Variants in OTOR observed in about 807,000 individuals in gnomAD.
OTOR encodes the protein fibrocyte-derived protein.
OTOR carries 20 observed loss-of-function variants against 15.9 expected under a neutral mutation model. The observed-to-expected ratio is 1.26, with a 90% CI of 0.89 to 1.83. The LOEUF is 1.83. OTOR is among the 40% of genes most tolerant of loss of function. The pLI is 0.00. For missense variants in OTOR, 184 were observed against 159.0 expected (o/e 1.16, Z -0.85); for synonymous variants, 53 against 54.2 (o/e 0.98, Z 0.09).
intron 3 of OTOR, 30 bp from the exon 4 acceptor site, chr20:16,751,065 C>T (rs1303784893): frequency 3.3e-6 from 5 of 1,511,606 alleles, no homozygotes; most frequent in Non-Finnish European, 4.5e-6. Context: ...CTATTTCGTT[C>T]AATCTTTTTT....
At position 16,751,326 on chromosome 20, in the gene OTOR, A is replaced by G. The variant is rs372564560; in HGVS notation, c.*208A>G. On this transcript the variant is annotated 3_prime_UTR_variant, in exon 4 of 4. Coordinates refer to ENST00000246081, the MANE Select transcript of OTOR (RefSeq NM_020157.4). ...TTCCTGCTGGCCTGGTCTGCCCACGAGCTAGAGCGGGGAAATGTTGAGCTC... is the reference window on the plus strand; with the variant it reads ...TTCCTGCTGGCCTGGTCTGCCCACGGGCTAGAGCGGGGAAATGTTGAGCTC... The G allele has an allele frequency of 1.9e-6, 1 of 530,208 alleles. No individual in the cohort carries two copies. Among genetic ancestry groups the G allele is most frequent in the East Asian group, 3.2e-5 (1 of 31,086 alleles). The allele number at this position is 530,208 out of a possible 1,614,324, so 32.8% of individuals were successfully genotyped here.
intron 2 of OTOR, 85 bp from the exon 3 acceptor site, chr20:16,749,818 C>G: frequency 1.1e-6 from 1 of 894,264 alleles, no homozygotes. Flanking sequence ...ATGATTCTCA[C>G]TATCAGCAAA....
intron 2 of OTOR, 106 bp from the exon 3 acceptor site, chr20:16,749,797 T>G: frequency 5.5e-6 from 4 of 733,670 alleles, no homozygotes; most frequent in East Asian, 2.7e-5. Context: ...GAAAGGGAGG[T>G]ATTGGCAGCT....
chr20:16,750,944 G>A, intron 3 of OTOR, 151 bp from the exon 4 acceptor site: 1 of 648,340 alleles, frequency 1.5e-6, no homozygotes, highest in South Asian at 1.9e-5. Flanking sequence ...GACTTAAAGT[G>A]GTAAATATTT....
In OTOR at chr20:16,749,884, T is replaced by G; in HGVS notation, c.256-19T>G. The G allele has an allele frequency of 6.5e-7, 1 of 1,536,938 alleles. No homozygotes were observed. Among genetic ancestry groups the G allele is most frequent in the Non-Finnish European group, 9.0e-7 (1 of 1,110,148 alleles). ...TCAGCATCAGCTTTTTCCTGATTGC[T>G]ATTCTTCTGGGCACTTAGGTTTATG... On this transcript the variant is annotated intron_variant, in intron 2 of 3. Transcript: ENST00000246081.
chr20:16,748,833 TA>T, intron 1 of OTOR, 33 bp from the exon 2 acceptor site: 1 of 1,522,814 alleles, frequency 6.6e-7, no homozygotes, highest in Non-Finnish European at 8.8e-7. Flanking sequence ...TTCAGGAGCC[TA>T]AAATGTAATC....
At position 16,751,195 on chromosome 20, in the gene OTOR, T is replaced by C; in HGVS notation, c.*77T>C. 3 of 1,022,394 alleles carry C rather than the reference T, an allele frequency of 2.9e-6. No homozygotes were observed. Among genetic ancestry groups the C allele is most frequent in the South Asian group, 3.0e-5 (2 of 65,592 alleles). 63.3% of individuals were successfully genotyped at this position (1,022,394 alleles called of 1,614,324 possible). A position where few individuals can be genotyped will look rare whatever the true frequency, so the allele number is the denominator to read the frequency against. Reference sequence around the variant, plus strand: ...AGCAAAAGTGGCCAAAAAATGCATGTCTGTAATTTTGGACTGACGTTTTAA... The same window carrying C: ...AGCAAAAGTGGCCAAAAAATGCATGCCTGTAATTTTGGACTGACGTTTTAA... On this transcript the variant is annotated 3_prime_UTR_variant, in exon 4 of 4. Coordinates refer to ENST00000246081, the MANE Select transcript of OTOR (RefSeq NM_020157.4).
Position 16,751,085 on chromosome 20 carries a change from T to C in OTOR, c.364-10T>C, listed in dbSNP as rs773429331. 21 of 1,538,208 alleles carry C rather than the reference T, an allele frequency of 1.4e-5. No homozygotes were observed. In the East Asian group the frequency reaches 2.3e-4, roughly 17 times the overall value. ...TCGTTCAATCTTTTTTTGTTTTTGT[T>C]TTTTTCCAGGATATTGACTTCTTCT... On this transcript the variant is annotated splice_polypyrimidine_tract_variant and intron_variant, in intron 3 of 3. Coordinates refer to ENST00000246081, the MANE Select transcript of OTOR (RefSeq NM_020157.4).
At position 16,750,403 on chromosome 20, in the gene OTOR, TTGTG is replaced by T. The variant is rs3075058; in HGVS notation, c.363+416_363+419del. Among the ~76,000 whole-genome samples the T allele has an allele frequency of 1.0e-4, 15 of 148,426 alleles. No homozygotes were observed. In the South Asian group the frequency reaches 1.5e-3, roughly 15 times the overall value. ...CATACATCACCTCACATAGTTACCT[TTGTG>T]TGTGTGTGTGTGTGTGTGTGTGAAA... On this transcript the variant is annotated intron_variant, in intron 3 of 3. Coordinates refer to ENST00000246081, the MANE Select transcript of OTOR (RefSeq NM_020157.4).
At chr20:16,750,081 T>C (rs371307270) in intron 3 of OTOR, 71 bp downstream of exon 3, 1 of 971,432 alleles carries the variant, frequency 1.0e-6, no homozygotes, top group African/African-American at 1.6e-5. Context: ...TAAAAATGCA[T>C]CATGCAACTT....
chr20:16,749,508 A>G (rs573363350), intron 2 of OTOR: 1 of 180,306 alleles, frequency 5.5e-6, no homozygotes, highest in South Asian at 1.7e-4. Context: ...TTAAATTTAA[A>G]GCCATTTAAG....
At chr20:16,750,036 A>G (rs2122521361) in intron 3 of OTOR, 26 bp downstream of exon 3, 1 of 1,454,470 alleles carries the variant, frequency 6.9e-7, no homozygotes, top group Middle Eastern at 1.7e-4. Flanking sequence ...GTGACTAGAC[A>G]AGGACTCAGA....
chr20:16,748,900 A>C lies in OTOR; in HGVS notation c.149A>C (p.Tyr50Ser). The C allele has an allele frequency of 6.2e-7, 1 of 1,603,824 alleles. No individual in the cohort carries two copies. Among genetic ancestry groups the C allele is most frequent in the Non-Finnish European group, 8.5e-7 (1 of 1,176,592 alleles). ...TISLASAQEDYNAPDCRFINV... is the reference protein window; with the variant it reads ...TISLASAQEDSNAPDCRFINV... ...TCTCTGGCTAGTGCTCAAGAAGATT[A>C]TAATGCCCCGGACTGTAGATTCATT... is the stretch of plus-strand genomic sequence containing the variant. Residue 50 changes from tyrosine (Y) to serine (S), a missense_variant, in exon 2 of 4, where the codon TAT becomes TCT. Transcript: ENST00000246081.
In OTOR at chr20:16,749,913, A is replaced by T. The variant is rs1568759214; in HGVS notation, c.266A>T (p.Asp89Val). 6.2e-7 allele frequency: 1 copy of T among 1,611,934 alleles called. No individual in the cohort carries two copies. The highest frequency in any genetic ancestry group is 1.3e-5 in the African/African-American group (1 of 74,988). Reference sequence around the variant, plus strand: ...CTTCTGGGCACTTAGGTTTATGGTGATGGCCAGGACGAGATGGGAGTCGTG... The same window carrying T: ...CTTCTGGGCACTTAGGTTTATGGTGTTGGCCAGGACGAGATGGGAGTCGTG... ...GEFWAGSVYG[D>V]GQDEMGVVGY... Residue 89 changes from aspartate to valine, a missense_variant, in exon 3 of 4, where the codon GAT (aspartate) becomes GTT (valine). Coordinates refer to ENST00000246081, the MANE Select transcript of OTOR (RefSeq NM_020157.4).
At chr20:16,748,653 T>C in intron 1 of OTOR, 137 bp downstream of exon 1, 3 of 706,128 alleles carry the variant, frequency 4.2e-6, no homozygotes, top group Non-Finnish European at 7.0e-6. Flanking sequence ...TCTTCTGGTC[T>C]GCATGTTTGG....
At position 16,748,872 on chromosome 20, in the gene OTOR, A is replaced by G. The variant is rs912958588; in HGVS notation, c.121A>G (p.Ile41Val). The G allele has an allele frequency of 6.4e-7, 1 of 1,573,744 alleles. No individual in the cohort carries two copies. The highest frequency in any genetic ancestry group is 2.1e-5 in the Admixed American group (1 of 48,200). Residue 41 changes from isoleucine to valine, a missense_variant, in exon 2 of 4, where the codon ATT becomes GTT. Physicochemically the swap from Ile to Val is conservative, Grantham distance 29. Transcript: ENST00000246081. ...TTAAATTTTTTTTCTTCCAGATACTATTTCTCTGGCTAGTGCTCAAGAAGA... is the reference window on the plus strand; with the variant it reads ...TTAAATTTTTTTTCTTCCAGATACTGTTTCTCTGGCTAGTGCTCAAGAAGA... The part of the protein sequence containing the change: ...LCADDECVYT[I>V]SLASAQEDYN...
chr20:16,751,069 CT>C (rs1568759694), intron 3 of OTOR, 25 bp from the exon 4 acceptor site: 16 of 1,519,444 alleles, frequency 1.1e-5, no homozygotes, highest in East Asian at 4.7e-5. Context: ...TTCGTTCAAT[CT>C]TTTTTTGTTT....
chr20:16,750,951 A>T, intron 3 of OTOR, 144 bp from the exon 4 acceptor site: 1 of 661,366 alleles, frequency 1.5e-6, no homozygotes, highest in Non-Finnish European at 2.6e-6. Flanking sequence ...AGTGGTAAAT[A>T]TTTCATATTT....
At chr20:16,749,801 G>A in intron 2 of OTOR, 102 bp from the exon 3 acceptor site, 1 of 770,246 alleles carries the variant, frequency 1.3e-6, no homozygotes, top group Non-Finnish European at 2.2e-6. Context: ...GGGAGGTATT[G>A]GCAGCTATGA....
Sources: gnomAD v4.1 joint callset for allele counts (sites outside exome capture counted in the v4.1 genomes callset) on GRCh38, gnomAD v4.1.1 for gene constraint, MANE v1.5 for transcripts, NCBI Gene and HGNC (gene_info 2026-07-23, HGNC 2026-07-21) for gene names.